RALGAPA1: variants seen among roughly 807,000 people sequenced by gnomAD.
The protein encoded by RALGAPA1 is ral GTPase-activating protein subunit alpha-1.
In RALGAPA1, 52 loss-of-function variants were observed where a neutral mutation model predicts 269.6. That is an observed-to-expected ratio of 0.19 (90% confidence interval 0.15 to 0.24). The LOEUF is 0.24. Among genes scored for constraint, RALGAPA1 ranks in the 10% least tolerant of loss-of-function variants. The pLI is 1.00. For missense variants in RALGAPA1, 1,917 were observed against 3,013.9 expected (o/e 0.64, Z 8.52); for synonymous variants, 817 against 1,008.3 (o/e 0.81, Z 3.60).
intron 16 of RALGAPA1, among the ~76,000 whole-genome samples, chr14:35,714,202 T>C (rs1237306416): frequency 6.6e-6 from 1 of 152,278 alleles, no homozygotes; most frequent in East Asian, 1.9e-4. Flanking sequence ...AAGGAACTGA[T>C]TTCGAGAGTG....
At position 35,688,437 on chromosome 14, in the gene RALGAPA1, T is replaced by C. The variant is rs1032389666; in HGVS notation, c.3952+22A>G. On this transcript the variant is annotated intron_variant, in intron 18 of 41. Coordinates refer to ENST00000680220, the MANE Select transcript of RALGAPA1 (RefSeq NM_001346249.2). The stretch of plus-strand genomic sequence containing the variant: ...TGGTGCTGTCTTTCTCCTTTTGCGC[T>C]CTGCACACTGTTAGTGCTCACCTGC... 3.9e-6 allele frequency: 6 copies of C among 1,535,996 alleles called. No individual in the cohort carries two copies. The African/African-American group carries it at 6.8e-5, about 18-fold the overall frequency.
chr14:35,741,817 C>T (rs1031617094), intron 11 of RALGAPA1, among the ~76,000 whole-genome samples: 9 of 152,214 alleles, frequency 5.9e-5, no homozygotes, highest in African/African-American at 2.2e-4. Flanking sequence ...CTCTACTACT[C>T]TCTCTTTTCT....
Position 35,780,566 on chromosome 14 carries a change from T to C in RALGAPA1, c.107-4821A>G, listed in dbSNP as rs2075360123. 2.6e-5 allele frequency among the ~76,000 whole-genome samples: 4 copies of C among 152,120 alleles called. No homozygotes were observed. In the South Asian group the frequency reaches 8.3e-4, roughly 31 times the overall value. ...TTAGAAATCAATAACATAAGGAAAT[T>C]AAGAAAACTCACAAATATGTGGAAA... On this transcript the variant is annotated intron_variant, in intron 1 of 41. Transcript: ENST00000680220.
intron 31 of RALGAPA1, among the ~76,000 whole-genome samples, chr14:35,639,976 C>T (rs1224724788): frequency 6.6e-6 from 1 of 151,490 alleles, no homozygotes; most frequent in Admixed American, 6.6e-5. Flanking sequence ...ACAATATCTT[C>T]CTGAATGATC....
chr14:35,778,514 T>C (rs1353892238), intron 1 of RALGAPA1, among the ~76,000 whole-genome samples: 2 of 152,196 alleles, frequency 1.3e-5, no homozygotes, highest in Non-Finnish European at 2.9e-5. Context: ...TTGTCTTTCT[T>C]CCAGGACTAG....
chr14:35,683,014 C>G (rs1339771907), intron 21 of RALGAPA1, among the ~76,000 whole-genome samples: 1 of 152,184 alleles, frequency 6.6e-6, no homozygotes, highest in African/African-American at 2.4e-5. Flanking sequence ...GCAGAAATCA[C>G]TGCGCCAGTC....
chr14:35,591,712 A>G (rs370125568), intron 37 of RALGAPA1, among the ~76,000 whole-genome samples: 1 of 152,208 alleles, frequency 6.6e-6, no homozygotes, highest in African/African-American at 2.4e-5. Context: ...AATTTTACCA[A>G]TGTAAACAAA....
chr14:35,761,355 G>C (rs1466872832), intron 5 of RALGAPA1, among the ~76,000 whole-genome samples: 1 of 152,156 alleles, frequency 6.6e-6, no homozygotes, highest in African/African-American at 2.4e-5. Flanking sequence ...CAAGAAGCGA[G>C]AGAGAGCAAT....
intron 1 of RALGAPA1, among the ~76,000 whole-genome samples, chr14:35,799,656 A>G (rs554926965): frequency 1.6e-4 from 25 of 152,272 alleles, no homozygotes; most frequent in South Asian, 4.1e-4. Context: ...AATTTACTCA[A>G]CTAATTCAAA....
chr14:35,670,901 C>T (rs571703193), intron 26 of RALGAPA1, among the ~76,000 whole-genome samples: 21 of 148,622 alleles, frequency 1.4e-4, no homozygotes, highest in South Asian at 4.3e-4. Flanking sequence ...CCAGCCTGGG[C>T]GACAGAGTAA....
chr14:35,705,093 C>G (rs1359220273), intron 16 of RALGAPA1, among the ~76,000 whole-genome samples: 1 of 152,096 alleles, frequency 6.6e-6, no homozygotes. Flanking sequence ...CCCCTCCCTA[C>G]CAGTTTCCCC....
intron 29 of RALGAPA1, 40 bp from the exon 30 acceptor site, chr14:35,654,517 G>C: frequency 6.5e-7 from 1 of 1,548,756 alleles, no homozygotes; most frequent in South Asian, 1.3e-5. Context: ...TTTTCATGAT[G>C]AACTTTTCAT....
intron 4 of RALGAPA1, among the ~76,000 whole-genome samples, chr14:35,763,793 T>G (rs7150342): frequency 0.79 from 114,045 of 143,572 alleles, 45,295 homozygotes; most frequent in Non-Finnish European, 0.86. Flanking sequence ...TATATATATA[T>G]AGAGAGAGAG....
chr14:35,773,960 C>T (rs2074828914), intron 3 of RALGAPA1, among the ~76,000 whole-genome samples: 2 of 152,026 alleles, frequency 1.3e-5, no homozygotes, highest in African/African-American at 4.8e-5. Context: ...CTCTCTTGCC[C>T]AAGAGTGCAG....
chr14:35,632,438 T>C (rs577995865), intron 33 of RALGAPA1, among the ~76,000 whole-genome samples: 1 of 152,280 alleles, frequency 6.6e-6, no homozygotes, highest in Non-Finnish European at 1.5e-5. Flanking sequence ...AAACCCATAA[T>C]TACAGATTAT....
chr14:35,622,807 T>C (rs770605261), intron 35 of RALGAPA1, among the ~76,000 whole-genome samples: 1 of 152,178 alleles, frequency 6.6e-6, no homozygotes, highest in Non-Finnish European at 1.5e-5. Flanking sequence ...AATAAAGATC[T>C]AGAAGGACAG....
intron 17 of RALGAPA1, among the ~76,000 whole-genome samples, chr14:35,699,216 A>G (rs1454654315): frequency 6.6e-6 from 1 of 152,210 alleles, no homozygotes; most frequent in Non-Finnish European, 1.5e-5. Context: ...GAGCTAGCAC[A>G]GTATGCACAA....
At chr14:35,717,123 C>T (rs1305277153) in intron 16 of RALGAPA1, among the ~76,000 whole-genome samples, 1 of 152,190 alleles carries the variant, frequency 6.6e-6, no homozygotes, top group Admixed American at 6.5e-5. Flanking sequence ...CATATATGCA[C>T]AAAATATAGA....
chr14:35,803,019 A>G (rs2077091525), intron 1 of RALGAPA1, among the ~76,000 whole-genome samples: 1 of 152,114 alleles, frequency 6.6e-6, no homozygotes, highest in Admixed American at 6.6e-5. Context: ...TGGAAATGTA[A>G]AGGACCTGGC....
Sources: gnomAD v4.1 joint callset for allele counts (sites outside exome capture counted in the v4.1 genomes callset) on GRCh38, gnomAD v4.1.1 for gene constraint, MANE v1.5 for transcripts, NCBI Gene and HGNC (gene_info 2026-07-23, HGNC 2026-07-21) for gene names.